Variants in HSPG2 observed in about 807,000 individuals in gnomAD.
The protein encoded by HSPG2 is basement membrane-specific heparan sulfate proteoglycan core protein.
A neutral mutation model predicts 526.6 loss-of-function variants in HSPG2; 278 were observed. The observed-to-expected ratio is 0.53, with a 90% CI of 0.48 to 0.58. The LOEUF is 0.58. Among genes scored for constraint, HSPG2 ranks in the 20% least tolerant of loss-of-function variants. The probability of loss-of-function intolerance (pLI) is 0.00; values close to 1 mark genes in which losing one functional copy is unlikely to be tolerated. For synonymous variants in HSPG2, 2,465 were observed against 2,555.4 expected, an observed-to-expected ratio of 0.96 and a Z score of 1.07; for missense variants, 5,354 against 6,099.5, an observed-to-expected ratio of 0.88 and a Z score of 4.07.
In HSPG2 at chr1:21,833,826, C is replaced by G. The variant is rs1362138140; in HGVS notation, c.10820G>C (p.Ser3607Thr). 6.3e-7 allele frequency: 1 copy of G among 1,595,828 alleles called. No individual in the cohort carries two copies. The highest frequency in any genetic ancestry group is 2.3e-5 in the East Asian group (1 of 44,026). ...CTCTCCAGCACTTACCTTGCTCCAG[C>G]TGATGTCAGGAGTGGGGTAGCCTGA... The part of the protein sequence containing the change: ...IASGYPTPDI[S>T]WSKLDGSLPP... The change falls in exon 78 of 97, where the codon AGC (serine) becomes ACC (threonine). Residue 3607 changes from serine (S) to threonine (T), a missense_variant. Transcript: ENST00000374695.
chr1:21,888,828 T>A, intron 6 of HSPG2: 1 of 709,136 alleles, frequency 1.4e-6, no homozygotes, highest in Non-Finnish European at 2.0e-6. Flanking sequence ...TATTGAAAAG[T>A]GAGAGAGGAG....
chr1:21,915,459 G>GT (rs1643867630), intron 1 of HSPG2, among the ~76,000 whole-genome samples: 1 of 152,336 alleles, frequency 6.6e-6, no homozygotes, highest in African/African-American at 2.4e-5. Context: ...AAGTCATGGA[G>GT]TTTTTCACAT....
chr1:21,850,529 C>A, intron 55 of HSPG2, 31 bp from the exon 56 acceptor site: 2 of 1,577,266 alleles, frequency 1.3e-6, no homozygotes, highest in Non-Finnish European at 1.7e-6. Flanking sequence ...TCAGAGGGAG[C>A]CCTCAGGAGA....
chr1:21,900,586 G>A (rs868201065), intron 1 of HSPG2, among the ~76,000 whole-genome samples: 1 of 152,148 alleles, frequency 6.6e-6, no homozygotes, highest in African/African-American at 2.4e-5. Flanking sequence ...GACTAAGAAC[G>A]GAGGAGAAAA....
chr1:21,894,978 C>T (rs1452860226), intron 3 of HSPG2, among the ~76,000 whole-genome samples: 1 of 152,210 alleles, frequency 6.6e-6, no homozygotes, highest in Non-Finnish European at 1.5e-5. Context: ...AGTGACCTAC[C>T]CTCCTGTCTA....
At chr1:21,836,664 TGA>T in intron 75 of HSPG2, 136 bp downstream of exon 75, 1 of 765,352 alleles carries the variant, frequency 1.3e-6, no homozygotes, top group South Asian at 1.6e-5. Flanking sequence ...CTGAGAACAC[TGA>T]GGCTCAGAGA....
intron 1 of HSPG2, among the ~76,000 whole-genome samples, chr1:21,918,476 A>G (rs1366028217): frequency 2.0e-5 from 3 of 152,070 alleles, no homozygotes; most frequent in African/African-American, 7.2e-5. Context: ...ATAAAAAAAA[A>G]AAAAAGGAGG....
At chr1:21,880,294 G>A in intron 16 of HSPG2, 40 bp from the exon 17 acceptor site, 2 of 1,614,020 alleles carry the variant, frequency 1.2e-6, no homozygotes, top group Non-Finnish European at 1.7e-6. Flanking sequence ...CAAGGACGGT[G>A]AGGCCCTGCC....
chr1:21,922,639 G>A (rs1188384506), intron 1 of HSPG2, among the ~76,000 whole-genome samples: 1 of 152,158 alleles, frequency 6.6e-6, no homozygotes, highest in Non-Finnish European at 1.5e-5. Flanking sequence ...TGAGGTGGAG[G>A]TGTGGGGGGA....
chr1:21,872,383 AG>A lies in HSPG2; in HGVS notation c.4030-7del. 6.4e-7 allele frequency: 1 copy of A among 1,561,368 alleles called. No homozygotes were observed. The highest frequency in any genetic ancestry group is 8.7e-7 in the Non-Finnish European group (1 of 1,151,296). On this transcript the variant is annotated splice_region_variant and splice_polypyrimidine_tract_variant and intron_variant, in intron 32 of 96. Transcript: ENST00000374695. This position sits in a 1 kb window ranked among gnomAD's most constrained non-coding sequence, Gnocchi z 5.5. ...GGGGCAAAGTGGGTGGAGATCTGGC[AG>A]GGGAAAAAGGAGGGGGCGTCAGCCT... is the stretch of plus-strand genomic sequence containing the variant.
intron 77 of HSPG2, 73 bp downstream of exon 77, chr1:21,834,606 G>T: frequency 6.4e-7 from 1 of 1,552,770 alleles, no homozygotes; most frequent in Non-Finnish European, 8.8e-7. Flanking sequence ...AGAGCGGGCA[G>T]GCAGAAGATG....
Position 21,828,850 on chromosome 1 carries a change from G to A in HSPG2, c.12222C>T (p.Arg4074=), listed in dbSNP as rs1466986466. The A allele has an allele frequency of 5.8e-6, 9 of 1,550,802 alleles. No homozygotes were observed. In the Admixed American group the frequency reaches 9.8e-5, roughly 17 times the overall value. ...CTGCTCTTACCTCGCCCACACAGCC[G>A]CGGAAGTGAGCGCTCATGTTGGTGG... ...SPATNMSAHF[R]GCVGEVSVNG... is the part of the protein sequence containing the mutation. Residue 4074 remains arginine (R), a synonymous_variant, in exon 88 of 97, where the codon CGC becomes CGT. Transcript: ENST00000374695. This position sits in a 1 kb window ranked among gnomAD's most constrained non-coding sequence, Gnocchi z 6.0.
At position 21,880,135 on chromosome 1, in the gene HSPG2, G is replaced by A. The variant is rs746533884; in HGVS notation, c.2315C>T (p.Ser772Phe). 1.2e-6 allele frequency: 2 copies of A among 1,614,116 alleles called. No homozygotes were observed. The highest frequency in any genetic ancestry group is 1.7e-5 in the Admixed American group (1 of 60,024). The change falls in exon 17 of 97, where the codon TCC becomes TTC. Residue 772 changes from serine (S) to phenylalanine (F), a missense_variant. Physicochemically the swap from Ser to Phe is radical, Grantham distance 155 (BLOSUM62 -2). Transcript: ENST00000374695. ...SGCNCNGHAS[S>F]CDPVYGHCLN... ...GCAGTGGCCATACACAGGGTCACAG[G>A]AGCTGGCATGGCCATTGCAATTGCA...
intron 3 of HSPG2, among the ~76,000 whole-genome samples, chr1:21,892,403 G>A (rs971341216): frequency 6.6e-6 from 1 of 152,280 alleles, no homozygotes; most frequent in African/African-American, 2.4e-5. Flanking sequence ...GAAGGGGACT[G>A]GAGCTCCACA....
At chr1:21,830,879 G>A in intron 85 of HSPG2, 103 bp downstream of exon 85, 1 of 737,762 alleles carries the variant, frequency 1.4e-6, no homozygotes, top group Non-Finnish European at 2.4e-6. Flanking sequence ...AGAGTGGGGG[G>A]TGTGGAAGTG....
chr1:21,871,258 G>GTTTTTTT (rs5772965), intron 33 of HSPG2, among the ~76,000 whole-genome samples: 4 of 114,692 alleles, frequency 3.5e-5, no homozygotes, highest in African/African-American at 6.9e-5. Context: ...CAGAGTATTT[G>GTTTTTTT]TTTTTTTTTT....
chr1:21,880,984 C>T (rs1370895315), intron 14 of HSPG2, 149 bp from the exon 15 acceptor site: 23 of 856,588 alleles, frequency 2.7e-5, no homozygotes, highest in Admixed American at 1.0e-4. Flanking sequence ...ACAGGGAAAC[C>T]GAGATGGGCG....
At position 21,890,338 on chromosome 1, in the gene HSPG2, G is replaced by A. The variant is rs566595308; in HGVS notation, c.413+89C>T. On this transcript the variant is annotated intron_variant, in intron 5 of 96. Transcript: ENST00000374695. This position sits in a 1 kb window ranked among gnomAD's most constrained non-coding sequence, Gnocchi z 4.1. ...AGCGACTCATCCCATAGGCCTTTCC[G>A]CGGTGCCAGGCTTCCTTCCCATCCT... The A allele has an allele frequency of 4.8e-5, 67 of 1,394,896 alleles. 1 individual carries two copies. Among genetic ancestry groups the A allele is most frequent in the East Asian group, 2.7e-4 (12 of 43,888 alleles). The allele number at this position is 1,394,896 out of a possible 1,614,324, so 86.4% of individuals were successfully genotyped here.
At chr1:21,840,852 A>G (rs1301695566) in intron 71 of HSPG2, among the ~76,000 whole-genome samples, 2 of 152,086 alleles carry the variant, frequency 1.3e-5, no homozygotes, top group Non-Finnish European at 2.9e-5. Flanking sequence ...ATGACACCCC[A>G]TTAGTCCATC....
Sources: allele counts gnomAD v4.1 joint callset (sites outside exome capture counted in the v4.1 genomes callset), GRCh38; gene constraint gnomAD v4.1.1; non-coding constraint Gnocchi (gnomAD v3.1); transcripts MANE v1.5; gene names NCBI Gene and HGNC (gene_info 2026-07-23, HGNC 2026-07-21).